CD109: variants seen among roughly 807,000 people sequenced by gnomAD.
The protein encoded by CD109 is CD109 molecule, also known as CD109 antigen.
In CD109, 149 loss-of-function variants were observed where a neutral mutation model predicts 165.8. The ratio of observed to expected loss-of-function variants is 0.90; its 90% CI spans 0.79 to 1.03. The LOEUF is 1.03. Among genes scored for constraint, CD109 ranks in the 50% least tolerant of loss-of-function variants. The probability of loss-of-function intolerance (pLI) is 0.00; values close to 1 mark genes in which losing one functional copy is unlikely to be tolerated. For missense variants in CD109, 1,712 were observed against 1,677.8 expected, an observed-to-expected ratio of 1.02 and a Z score of -0.36; for synonymous variants, 585 against 592.1, an observed-to-expected ratio of 0.99 and a Z score of 0.18.
At chr6:73,729,551 G>A (rs1207188796) in intron 3 of CD109, among the ~76,000 whole-genome samples, 4 of 150,290 alleles carry the variant, frequency 2.7e-5, no homozygotes, top group Non-Finnish European at 3.0e-5. Context: ...ACAAATTCTC[G>A]CTCTGTTGCC....
At chr6:73,720,162 A>G (rs968237415) in intron 2 of CD109, among the ~76,000 whole-genome samples, 4 of 152,028 alleles carry the variant, frequency 2.6e-5, no homozygotes, top group Admixed American at 6.6e-5. Flanking sequence ...CTATTCAGCC[A>G]TTTTTTTTAA....
chr6:73,697,749 G>A (rs1770907285), intron 2 of CD109, among the ~76,000 whole-genome samples, 177 bp downstream of exon 2: 1 of 152,284 alleles, frequency 6.6e-6, no homozygotes, highest in South Asian at 2.1e-4. Flanking sequence ...TCTTCCAAGT[G>A]CAGATTCAGA....
chr6:73,700,493 C>T (rs1192937930), intron 2 of CD109, among the ~76,000 whole-genome samples: 1 of 152,066 alleles, frequency 6.6e-6, no homozygotes, highest in African/African-American at 2.4e-5. Flanking sequence ...AGCTTATTTC[C>T]AGCAGTTTTG....
At chr6:73,801,886 G>A (rs985531638) in intron 23 of CD109, among the ~76,000 whole-genome samples, 1 of 152,210 alleles carries the variant, frequency 6.6e-6, no homozygotes, top group East Asian at 1.9e-4. Context: ...GTGGAATTGT[G>A]TAATTTTTAG....
intron 22 of CD109, among the ~76,000 whole-genome samples, chr6:73,789,094 T>C (rs1774816724): frequency 6.6e-6 from 1 of 152,192 alleles, no homozygotes; most frequent in South Asian, 2.1e-4. Flanking sequence ...CTAAACCTAC[T>C]AAGTCAGAAT....
chr6:73,716,215 T>C (rs868473514), intron 2 of CD109, among the ~76,000 whole-genome samples: 18 of 152,232 alleles, frequency 1.2e-4, no homozygotes, highest in Non-Finnish European at 2.9e-5. Context: ...ATCTTAGCTA[T>C]TATGAACAGT....
At chr6:73,707,943 T>C (rs1371654429) in intron 2 of CD109, among the ~76,000 whole-genome samples, 4 of 145,858 alleles carry the variant, frequency 2.7e-5, no homozygotes, top group Admixed American at 6.8e-5. Flanking sequence ...TTAAGAACTT[T>C]GATTTAAAAT....
chr6:73,782,540 AT>A, intron 17 of CD109, 73 bp from the exon 18 acceptor site: 1 of 1,423,426 alleles, frequency 7.0e-7, no homozygotes, highest in Non-Finnish European at 9.8e-7. Flanking sequence ...ATTGACATTC[AT>A]TTTGTATGTG....
chr6:73,785,473 C>A lies in CD109; in HGVS notation c.2333C>A (p.Thr778Asn). ...ITIFNYLKDA[T>N]EVKVIIEKSD... The stretch of plus-strand genomic sequence containing the variant: ...ATATTCAATTATTTGAAAGATGCCA[C>A]TGAGGTAATGTATTCAAGCTTTTGT... The change falls in exon 20 of 33, where the codon ACT becomes AAT. Residue 778 changes from threonine to asparagine, a missense_variant. Thr to Asn is a moderately conservative substitution (Grantham distance 65). Coordinates refer to ENST00000287097, the MANE Select transcript of CD109 (RefSeq NM_133493.5). 6.6e-7 allele frequency: 1 copy of A among 1,515,290 alleles called. No individual in the cohort carries two copies. The highest frequency in any genetic ancestry group is 1.2e-5 in the South Asian group (1 of 86,878). 93.9% of individuals were successfully genotyped at this position (1,515,290 alleles called of 1,614,324 possible).
chr6:73,697,612 T>G (rs1770899785), intron 2 of CD109, 40 bp downstream of exon 2: 1 of 1,561,972 alleles, frequency 6.4e-7, no homozygotes, highest in African/African-American at 1.4e-5. Flanking sequence ...TCTGCAGTAA[T>G]AACTGGAATA....
At chr6:73,696,702 T>G (rs1035184672) in intron 1 of CD109, among the ~76,000 whole-genome samples, 1 of 152,210 alleles carries the variant, frequency 6.6e-6, no homozygotes, top group Admixed American at 6.5e-5. Context: ...GGGACTGATG[T>G]ATGGGTTCAG....
chr6:73,696,076 T>G, upstream of CD109: 1 of 753,174 alleles, frequency 1.3e-6, no homozygotes. Context: ...TCTCTCACTC[T>G]GCTGTTAGGC....
At chr6:73,682,207 C>T in the CD109 span, among the ~76,000 whole-genome samples, 1 of 152,142 alleles carries the variant, frequency 6.6e-6, no homozygotes, top group African/African-American at 2.4e-5. Context: ...GAAGCAAGTC[C>T]CTTCTGCCTC....
intron 5 of CD109, among the ~76,000 whole-genome samples, chr6:73,750,581 G>A (rs1773151726): frequency 2.0e-5 from 3 of 152,174 alleles, no homozygotes; most frequent in Admixed American, 2.0e-4. Context: ...GAGCAATAAA[G>A]CGCATAAATA....
At chr6:73,793,861 T>C (rs1449936248) in intron 23 of CD109, among the ~76,000 whole-genome samples, 1 of 152,214 alleles carries the variant, frequency 6.6e-6, no homozygotes, top group East Asian at 1.9e-4. Context: ...CACAAACTGA[T>C]TAAAAATGAG....
chr6:73,803,337 T>C lies in CD109; in HGVS notation c.2960+36T>C, dbSNP rs748917215. 5.3e-6 allele frequency: 8 copies of C among 1,515,234 alleles called. No homozygotes were observed. The African/African-American group carries it at 9.6e-5, about 18-fold the overall frequency. 93.9% of individuals were successfully genotyped at this position (1,515,234 alleles called of 1,614,324 possible). ...TTGCCAACTGAACAAATCCGTGTCATGGAATGGGCTTTCACTAGGTCACAA... is the reference window on the plus strand; with the variant it reads ...TTGCCAACTGAACAAATCCGTGTCACGGAATGGGCTTTCACTAGGTCACAA... On this transcript the variant is annotated intron_variant, in intron 24 of 32. Coordinates refer to ENST00000287097, the MANE Select transcript of CD109 (RefSeq NM_133493.5).
chr6:73,742,116 C>G (rs1255101249), intron 5 of CD109, among the ~76,000 whole-genome samples: 1 of 152,210 alleles, frequency 6.6e-6, no homozygotes, highest in Non-Finnish European at 1.5e-5. Context: ...CCATCCATCT[C>G]TGTAACTCTT....
rs1158285614 is a variant in CD109 at position 73,792,712 on chromosome 6, G to T, written c.2788G>T (p.Ala930Ser). 1.9e-6 allele frequency: 3 copies of T among 1,612,524 alleles called. No individual in the cohort carries two copies. The highest frequency in any genetic ancestry group is 2.5e-6 in the Non-Finnish European group (3 of 1,179,616). Reference sequence around the variant, plus strand: ...TGGTGAACAGAACATGATAAATTTTGCTCCAAATATTTACATTTTGGATTA... The same window carrying T: ...TGGTGAACAGAACATGATAAATTTTTCTCCAAATATTTACATTTTGGATTA... ...GCGEQNMINF[A>S]PNIYILDYLT... Residue 930 changes from alanine (A) to serine (S), a missense_variant, in exon 23 of 33, where the codon GCT becomes TCT. Physicochemically the swap from Ala to Ser is moderately conservative, Grantham distance 99. Coordinates refer to ENST00000287097, the MANE Select transcript of CD109 (RefSeq NM_133493.5).
chr6:73,810,504 T>C (rs1328831297), intron 27 of CD109, among the ~76,000 whole-genome samples: 1 of 151,968 alleles, frequency 6.6e-6, no homozygotes, highest in Admixed American at 6.6e-5. Flanking sequence ...TAAGAGTAGA[T>C]GTTCAGTTCC....
Sources: allele counts gnomAD v4.1 joint callset (sites outside exome capture counted in the v4.1 genomes callset), GRCh38; gene constraint gnomAD v4.1.1; transcripts MANE v1.5; gene names NCBI Gene and HGNC (gene_info 2026-07-23, HGNC 2026-07-21).